The following ADARB2 variants were observed in gnomAD, a reference collection of about 807,000 sequenced individuals.
ADARB2 encodes inactive double-stranded RNA-specific editase B2.
Under a neutral mutation model 62.2 loss-of-function variants are expected in ADARB2, and 25 were observed. The observed-to-expected ratio is 0.40, with a 90% CI of 0.29 to 0.56. The LOEUF (loss-of-function observed/expected upper bound fraction) is 0.56. Among genes scored for constraint, ADARB2 ranks in the 20% least tolerant of loss-of-function variants. The pLI is 0.43. For missense variants in ADARB2, 1,071 were observed against 1,077.4 expected, an observed-to-expected ratio of 0.99 and a Z score of 0.08; for synonymous variants, 572 against 500.8, an observed-to-expected ratio of 1.14 and a Z score of -1.90.
At chr10:1,610,390 C>T (rs756935478) in intron 1 of ADARB2, among the ~76,000 whole-genome samples, 5 of 152,228 alleles carry the variant, frequency 3.3e-5, no homozygotes, top group Non-Finnish European at 7.3e-5. Flanking sequence ...TGTCCCCACA[C>T]TCAGTGATGA....
In ADARB2 at chr10:1,347,302, G is replaced by A. The variant is rs1589199593; in HGVS notation, c.1077+15726C>T. Among the ~76,000 whole-genome samples the A allele has an allele frequency of 2.0e-5, 3 of 152,304 alleles. No homozygotes were observed. In the South Asian group the frequency reaches 6.2e-4, roughly 32 times the overall value. ...GGACCGAGGCCTTGTCTCCCCAGCC[G>A]GCGTCCCTGGGACAAGAATGAGATT... On this transcript the variant is annotated intron_variant, in intron 3 of 9. Transcript: ENST00000381312.
chr10:1,567,203 C>T (rs1361213042), intron 1 of ADARB2, among the ~76,000 whole-genome samples: 1 of 152,094 alleles, frequency 6.6e-6, no homozygotes, highest in Non-Finnish European at 1.5e-5. Context: ...AGCAGACCTG[C>T]TCACACTGAT....
intron 1 of ADARB2, among the ~76,000 whole-genome samples, chr10:1,465,940 A>T (rs1035842256): frequency 6.6e-6 from 1 of 152,240 alleles, no homozygotes; most frequent in Non-Finnish European, 1.5e-5. Context: ...CTGTTGCAAT[A>T]AACTGCTTTC....
Position 1,363,928 on chromosome 10 carries a change from G to A in ADARB2, c.188-11C>T, listed in dbSNP as rs1260276379. 2 of 1,450,634 alleles carry A rather than the reference G, an allele frequency of 1.4e-6. No individual in the cohort carries two copies. Among genetic ancestry groups the A allele is most frequent in the South Asian group, 2.9e-5 (2 of 68,506 alleles). 89.9% of individuals were successfully genotyped at this position (1,450,634 alleles called of 1,614,324 possible). ...CCGCGCTGCTGGTACCTGGAGGGGA[G>A]AACAGACCAGTCAGGAGCCTGGGCG... On this transcript the variant is annotated splice_polypyrimidine_tract_variant and intron_variant, in intron 2 of 9. Transcript: ENST00000381312.
At chr10:1,652,911 G>A (rs778614031) in intron 1 of ADARB2, among the ~76,000 whole-genome samples, 6 of 152,158 alleles carry the variant, frequency 3.9e-5, no homozygotes, top group African/African-American at 7.2e-5. Context: ...GAGTTGGGGG[G>A]CATGCACGCT....
intron 8 of ADARB2, among the ~76,000 whole-genome samples, chr10:1,189,890 C>T (rs914467549): frequency 1.4e-5 from 2 of 141,642 alleles, no homozygotes; most frequent in African/African-American, 2.8e-5. Flanking sequence ...GAACACGTGG[C>T]GCTACCTCCT....
chr10:1,581,143 C>T (rs1320309088), intron 1 of ADARB2, among the ~76,000 whole-genome samples: 1 of 152,218 alleles, frequency 6.6e-6, no homozygotes, highest in African/African-American at 2.4e-5. Context: ...CTCGCCAATA[C>T]ACTGACTAGA....
intron 3 of ADARB2, among the ~76,000 whole-genome samples, chr10:1,342,963 A>T (rs942061891): frequency 1.1e-4 from 17 of 152,378 alleles, no homozygotes; most frequent in Admixed American, 1.1e-3. Flanking sequence ...ACTTCAACTT[A>T]AGAGACTTGT....
intron 1 of ADARB2, among the ~76,000 whole-genome samples, chr10:1,560,391 T>G (rs919482828): frequency 6.6e-6 from 1 of 152,166 alleles, no homozygotes; most frequent in African/African-American, 2.4e-5. Flanking sequence ...ACGAGAAGGA[T>G]GCATTTCAAT....
intron 1 of ADARB2, among the ~76,000 whole-genome samples, chr10:1,672,399 AC>A (rs1276775339): frequency 6.6e-6 from 1 of 152,162 alleles, no homozygotes; most frequent in Non-Finnish European, 1.5e-5. Flanking sequence ...GACATTACCA[AC>A]AATCTGCGGT....
At chr10:1,433,414 G>A (rs1253417290) in intron 1 of ADARB2, among the ~76,000 whole-genome samples, 1 of 152,234 alleles carries the variant, frequency 6.6e-6, no homozygotes, top group Non-Finnish European at 1.5e-5. Context: ...AAGGCAGAGA[G>A]TATTGTCACC....
chr10:1,661,932 G>C (rs1339551611), intron 1 of ADARB2, among the ~76,000 whole-genome samples: 5 of 152,148 alleles, frequency 3.3e-5, no homozygotes, highest in African/African-American at 1.2e-4. Flanking sequence ...TATAAATCAG[G>C]CTGAAGAAAG....
chr10:1,436,773 C>T (rs569818354), intron 1 of ADARB2, among the ~76,000 whole-genome samples: 1 of 152,264 alleles, frequency 6.6e-6, no homozygotes, highest in East Asian at 1.9e-4. Flanking sequence ...GATGAAAATT[C>T]AGCTGCTCCT....
intron 1 of ADARB2, chr10:1,676,123 C>T (rs146865905): frequency 1.1e-6 from 1 of 933,360 alleles, no homozygotes; most frequent in Non-Finnish European, 1.3e-6. Context: ...GACAAAATTG[C>T]CATTTTGGGT....
intron 1 of ADARB2, among the ~76,000 whole-genome samples, chr10:1,463,042 A>C (rs1036018931): frequency 6.6e-6 from 1 of 152,190 alleles, no homozygotes; most frequent in Non-Finnish European, 1.5e-5. Context: ...CTGGTGGGGC[A>C]GGTGGGATGT....
intron 1 of ADARB2, among the ~76,000 whole-genome samples, chr10:1,507,166 C>G (rs957060459): frequency 6.6e-6 from 1 of 152,192 alleles, no homozygotes; most frequent in African/African-American, 2.4e-5. Context: ...GAGTGACTTC[C>G]CTATAGGAGG....
Position 1,683,228 on chromosome 10 carries a change from C to T in ADARB2, c.100+53823G>A, listed in dbSNP as rs144577996. On this transcript the variant is annotated intron_variant, in intron 1 of 9. Transcript: ENST00000381312. ...CTGACCCCAGATGCAATTCACTTTT[C>T]CGAGGATTTGGGCATCTCTTGGTTC... Among the ~76,000 whole-genome samples, 85 of 152,216 alleles carry T rather than the reference C, an allele frequency of 5.6e-4. 1 individual carries two copies. The highest frequency in any genetic ancestry group is 6.8e-3 in the Middle Eastern group (2 of 294).
At chr10:1,377,811 C>T (rs894860208) in intron 2 of ADARB2, among the ~76,000 whole-genome samples, 1 of 152,178 alleles carries the variant, frequency 6.6e-6, no homozygotes, top group Admixed American at 6.5e-5. Flanking sequence ...CATTGACCTT[C>T]GCTCTGGTCC....
chr10:1,304,137 G>C (rs1315501312), intron 3 of ADARB2, among the ~76,000 whole-genome samples: 2 of 151,980 alleles, frequency 1.3e-5, no homozygotes, highest in African/African-American at 2.4e-5. Flanking sequence ...CCCATCTCAT[G>C]TGCAGAGACA....
Sources: allele counts gnomAD v4.1 joint callset (sites outside exome capture counted in the v4.1 genomes callset), GRCh38; gene constraint gnomAD v4.1.1; transcripts MANE v1.5; gene names NCBI Gene and HGNC (gene_info 2026-07-23, HGNC 2026-07-21).